The following BMPR1B variants were observed in gnomAD, a reference collection of about 807,000 sequenced individuals.
BMPR1B encodes the protein bone morphogenetic protein receptor type-1B.
BMPR1B carries 12 observed loss-of-function variants against 59.1 expected under a neutral mutation model. The ratio of observed to expected loss-of-function variants is 0.20; its 90% CI spans 0.13 to 0.33. BMPR1B has a LOEUF of 0.33. Ranked by LOEUF, BMPR1B falls within the 10% of genes least tolerant of loss-of-function variation. The pLI is 1.00. For synonymous variants in BMPR1B, 237 were observed against 207.3 expected, an observed-to-expected ratio of 1.14 and a Z score of -1.23; for missense variants, 550 against 610.9, an observed-to-expected ratio of 0.90 and a Z score of 1.05.
chr4:95,027,014 C>T (rs1435465001), intron 3 of BMPR1B, among the ~76,000 whole-genome samples: 1 of 152,018 alleles, frequency 6.6e-6, no homozygotes, highest in Non-Finnish European at 1.5e-5. Flanking sequence ...ATTCTCCTGC[C>T]TCAGCCTCCC....
chr4:95,063,431 T>C (rs963302431), intron 3 of BMPR1B, among the ~76,000 whole-genome samples: 4 of 151,884 alleles, frequency 2.6e-5, no homozygotes, highest in Admixed American at 2.0e-4. Context: ...GGGTAGATCA[T>C]AGGTGCAGGA....
intron 3 of BMPR1B, among the ~76,000 whole-genome samples, chr4:95,004,261 CTT>C (rs1333125811): frequency 6.6e-6 from 1 of 152,118 alleles, no homozygotes; most frequent in Non-Finnish European, 1.5e-5. Context: ...AACAATTTTG[CTT>C]CAGTATAATA....
intron 1 of BMPR1B, among the ~76,000 whole-genome samples, chr4:94,855,798 C>A (rs1725732338): frequency 2.3e-5 from 2 of 88,788 alleles, no homozygotes. Context: ...TTGAGTTAAT[C>A]AAATTCTTGT....
Position 95,104,396 on chromosome 4 carries a change from T to A in BMPR1B, c.-17-12T>A, listed in dbSNP as rs1731050455. On this transcript the variant is annotated splice_polypyrimidine_tract_variant and intron_variant, in intron 3 of 12. Coordinates refer to ENST00000515059, the MANE Select transcript of BMPR1B (RefSeq NM_001203.3). ...CCCACAGATGCCTAACTCTCACTAT[T>A]TCTTCTTTCAGCAAACTTCCTTGAT... 3 of 1,612,574 alleles carry A rather than the reference T, an allele frequency of 1.9e-6. No individual in the cohort carries two copies. The East Asian group carries it at 6.7e-5, about 36-fold the overall frequency.
intron 2 of BMPR1B, among the ~76,000 whole-genome samples, chr4:94,900,268 T>C (rs3775010): frequency 0.41 from 61,886 of 150,130 alleles, 14,699 homozygotes; most frequent in African/African-American, 0.65. Context: ...GAACCTAAGA[T>C]GTCAATTAGC....
intron 10 of BMPR1B, among the ~76,000 whole-genome samples, chr4:95,141,197 C>G (rs1418335285): frequency 1.3e-5 from 2 of 152,164 alleles, no homozygotes; most frequent in Non-Finnish European, 2.9e-5. Context: ...AAAGTTTGCT[C>G]TTCTCAGTTT....
intron 2 of BMPR1B, among the ~76,000 whole-genome samples, chr4:94,903,445 C>G (rs1432210811): frequency 6.7e-6 from 1 of 149,056 alleles, no homozygotes; most frequent in Admixed American, 6.7e-5. Context: ...CCTCAAAAGT[C>G]TTTTTGAAAA....
chr4:94,951,257 C>T (rs1055651359), intron 2 of BMPR1B, among the ~76,000 whole-genome samples: 1 of 152,106 alleles, frequency 6.6e-6, no homozygotes, highest in African/African-American at 2.4e-5. Flanking sequence ...ATTTGAATAC[C>T]CTTTATTTCT....
At chr4:94,947,059 A>G (rs773574310) in intron 2 of BMPR1B, among the ~76,000 whole-genome samples, 17 of 152,126 alleles carry the variant, frequency 1.1e-4, no homozygotes, top group Non-Finnish European at 2.2e-4. Flanking sequence ...CTCAAAACAT[A>G]CAAACAAACC....
At chr4:95,008,854 A>G (rs1723030800) in intron 3 of BMPR1B, among the ~76,000 whole-genome samples, 1 of 152,170 alleles carries the variant, frequency 6.6e-6, no homozygotes, top group Non-Finnish European at 1.5e-5. Flanking sequence ...AACATATGAA[A>G]CATGCTGAAC....
At chr4:95,144,525 T>C (rs1453621301) in intron 10 of BMPR1B, among the ~76,000 whole-genome samples, 1 of 152,006 alleles carries the variant, frequency 6.6e-6, no homozygotes, top group African/African-American at 2.4e-5. Context: ...ATTTGAAAAC[T>C]AAGAAAGCTT....
At chr4:94,795,680 T>C (rs1578653251) in intron 1 of BMPR1B, among the ~76,000 whole-genome samples, 1 of 151,842 alleles carries the variant, frequency 6.6e-6, no homozygotes. Flanking sequence ...GCCAGGCTGG[T>C]CTGGAACTCC....
chr4:94,807,301 G>A (rs1035432119), intron 1 of BMPR1B, among the ~76,000 whole-genome samples: 3 of 152,080 alleles, frequency 2.0e-5, no homozygotes, highest in Non-Finnish European at 4.4e-5. Flanking sequence ...TCACCATGTT[G>A]TCCAGGCTGC....
chr4:94,787,307 G>T (rs1299234241), intron 1 of BMPR1B, among the ~76,000 whole-genome samples: 1 of 152,030 alleles, frequency 6.6e-6, no homozygotes, highest in African/African-American at 2.4e-5. Flanking sequence ...TATGTTGATG[G>T]GGTTCAGGAC....
intron 3 of BMPR1B, among the ~76,000 whole-genome samples, chr4:95,082,892 G>C (rs1027585087): frequency 1.3e-5 from 2 of 151,740 alleles, no homozygotes; most frequent in African/African-American, 2.4e-5. Flanking sequence ...CAAAAAATTA[G>C]CCGGGTGTGG....
At position 94,831,336 on chromosome 4, in the gene BMPR1B, G is replaced by A. The variant is rs371075758; in HGVS notation, c.-182-44495G>A. Among the ~76,000 whole-genome samples the A allele has an allele frequency of 1.8e-4, 27 of 151,494 alleles. No homozygotes were observed. In the South Asian group the frequency reaches 4.0e-3, roughly 22 times the overall value. Reference sequence around the variant, plus strand: ...AATGTGTTTGTGTTTTAAGCTAAATGTTCCTGCAAAAGTGTCAGAAAGTTA... The same window carrying A: ...AATGTGTTTGTGTTTTAAGCTAAATATTCCTGCAAAAGTGTCAGAAAGTTA... On this transcript the variant is annotated intron_variant, in intron 1 of 12. Transcript: ENST00000515059.
At chr4:95,004,264 C>T (rs1429555992) in intron 3 of BMPR1B, among the ~76,000 whole-genome samples, 2 of 152,122 alleles carry the variant, frequency 1.3e-5, no homozygotes, top group Admixed American at 1.3e-4. Flanking sequence ...AATTTTGCTT[C>T]AGTATAATAT....
At chr4:94,999,284 T>G (rs545729359) in intron 3 of BMPR1B, among the ~76,000 whole-genome samples, 5 of 152,302 alleles carry the variant, frequency 3.3e-5, no homozygotes, top group African/African-American at 1.2e-4. Context: ...AAACATAATT[T>G]TCTTTATACC....
chr4:94,832,782 CA>C (rs528939227), intron 1 of BMPR1B, among the ~76,000 whole-genome samples: 1 of 150,734 alleles, frequency 6.6e-6, no homozygotes, highest in Non-Finnish European at 1.5e-5. Context: ...TGCTCCGTCT[CA>C]AAAAAAATAA....
Sources: allele counts gnomAD v4.1 joint callset (sites outside exome capture counted in the v4.1 genomes callset), GRCh38; gene constraint gnomAD v4.1.1; transcripts MANE v1.5; gene names NCBI Gene and HGNC (gene_info 2026-07-23, HGNC 2026-07-21).